The following KCNH5 variants were observed in gnomAD, a reference collection of about 807,000 sequenced individuals.
KCNH5 encodes the protein voltage-gated delayed rectifier potassium channel KCNH5.
In KCNH5, 46 loss-of-function variants were observed where a neutral mutation model predicts 96.1. The observed-to-expected ratio is 0.48, with a 90% confidence interval of 0.38 to 0.61. The LOEUF (loss-of-function observed/expected upper bound fraction) is 0.61. Among genes scored for constraint, KCNH5 ranks in the 20% least tolerant of loss-of-function variants. The pLI, the probability that KCNH5 is intolerant of heterozygous loss-of-function variation, is 0.00. For missense variants in KCNH5, 907 were observed against 1,225.8 expected (o/e 0.74, Z 3.88); for synonymous variants, 439 against 449.8 (o/e 0.98, Z 0.30).
intron 5 of KCNH5, among the ~76,000 whole-genome samples, chr14:62,986,582 T>G (rs1395425984): frequency 6.6e-6 from 1 of 152,118 alleles, no homozygotes; most frequent in Non-Finnish European, 1.5e-5. Context: ...ATCATCTCAC[T>G]CACACAGCCT....
intron 7 of KCNH5, among the ~76,000 whole-genome samples, chr14:62,916,411 A>G (rs1889275881): frequency 6.6e-6 from 1 of 152,256 alleles, no homozygotes; most frequent in South Asian, 2.1e-4. Flanking sequence ...TGTGTTCTTT[A>G]TAACAATGTC....
intron 7 of KCNH5, among the ~76,000 whole-genome samples, chr14:62,883,213 G>A (rs1284532364): frequency 2.0e-5 from 3 of 151,974 alleles, no homozygotes; most frequent in East Asian, 1.9e-4. Flanking sequence ...TGATCCAATC[G>A]GGACAACTTT....
intron 4 of KCNH5, among the ~76,000 whole-genome samples, chr14:62,996,094 C>G (rs1890901779): frequency 6.6e-6 from 1 of 152,116 alleles, no homozygotes; most frequent in Admixed American, 6.6e-5. Flanking sequence ...CATTATTTCC[C>G]AAAAGTTCCA....
intron 7 of KCNH5, among the ~76,000 whole-genome samples, chr14:62,889,596 C>G (rs1023880767): frequency 6.6e-6 from 1 of 152,194 alleles, no homozygotes; most frequent in Non-Finnish European, 1.5e-5. Context: ...TCCCATTCCT[C>G]TGCCTCTCCG....
rs1416586742 is a variant in KCNH5 at position 62,707,975 on chromosome 14, C to A, written c.2500G>T (p.Ala834Ser). Residue 834 changes from alanine to serine, a missense_variant, in exon 11 of 11, where the codon GCT (alanine) becomes TCT (serine). Around this residue, in one of 6 missense-constraint regions of KCNH5, gnomAD observed 362 missense variants for 394.4 expected, o/e 0.92. Coordinates refer to ENST00000322893, the MANE Select transcript of KCNH5 (RefSeq NM_139318.5). ...TCAGACAATAGCCCCATTGACTCAGCTTTAGTGACATTATTCCAGTCTTCC... is the reference window on the plus strand; with the variant it reads ...TCAGACAATAGCCCCATTGACTCAGATTTAGTGACATTATTCCAGTCTTCC... Reference protein sequence around the residue: ...KKEDWNNVTKAESMGLLSEDP... With the variant: ...KKEDWNNVTKSESMGLLSEDP... 1 of 1,614,204 alleles carries A rather than the reference C, an allele frequency of 6.2e-7. No individual in the cohort carries two copies. Among genetic ancestry groups the A allele is most frequent in the Non-Finnish European group, 8.5e-7 (1 of 1,180,032 alleles).
rs80176497 is a variant in KCNH5, at chr14:63,029,470, A to G, written c.74-12516T>C. 2.9e-3 allele frequency among the ~76,000 whole-genome samples: 436 copies of G among 152,286 alleles called. 2 individuals carry two copies. Among genetic ancestry groups the G allele is most frequent in the African/African-American group, 0.01 (416 of 41,560 alleles). On this transcript the variant is annotated intron_variant, in intron 1 of 10. Transcript: ENST00000322893. The stretch of plus-strand genomic sequence containing the variant: ...CATTTATAAGCTATTACTATTATGT[A>G]CAAGATTAAGTTACTGAGTTGTATA...
At chr14:62,958,573 T>A (rs1890149697) in intron 6 of KCNH5, among the ~76,000 whole-genome samples, 1 of 152,212 alleles carries the variant, frequency 6.6e-6, no homozygotes, top group Non-Finnish European at 1.5e-5. Context: ...AAGTAGTTTA[T>A]CCTTACTGAA....
At position 62,757,192 on chromosome 14, in the gene KCNH5, A is replaced by AAG. The variant is rs1428105091; in HGVS notation, c.2019+22535_2019+22536insCT. On this transcript the variant is annotated intron_variant, in intron 10 of 10. Transcript: ENST00000322893. ...ACAAATGGCAAATAGGTGTATTAAAAGCTGATCAACCAGAGAAATGCAATG... is the reference window on the plus strand; with the variant it reads ...ACAAATGGCAAATAGGTGTATTAAAAAGGCTGATCAACCAGAGAAATGCAATG... Among the ~76,000 whole-genome samples, 3 of 152,332 alleles carry AAG rather than the reference A, an allele frequency of 2.0e-5. No individual in the cohort carries two copies. In the East Asian group the frequency reaches 5.8e-4, roughly 29 times the overall value.
intron 6 of KCNH5, among the ~76,000 whole-genome samples, chr14:62,969,874 C>A (rs564923020): frequency 4.9e-5 from 7 of 143,054 alleles, no homozygotes; most frequent in Non-Finnish European, 9.0e-5. Context: ...CCACCCTGGG[C>A]AACGCGGTGA....
chr14:63,042,388 T>C (rs923910632), intron 1 of KCNH5, among the ~76,000 whole-genome samples: 24 of 152,142 alleles, frequency 1.6e-4, no homozygotes, highest in Non-Finnish European at 3.2e-4. Flanking sequence ...TGGGTATCTC[T>C]CTATATCTAT....
At chr14:62,947,606 G>T (rs1356263436) in intron 7 of KCNH5, among the ~76,000 whole-genome samples, 2 of 152,074 alleles carry the variant, frequency 1.3e-5, no homozygotes, top group Admixed American at 1.3e-4. Flanking sequence ...TTAGACTCAA[G>T]ATATTAACCT....
chr14:62,798,128 T>C (rs1886577744), intron 9 of KCNH5, among the ~76,000 whole-genome samples: 1 of 152,206 alleles, frequency 6.6e-6, no homozygotes, highest in Non-Finnish European at 1.5e-5. Flanking sequence ...GCCTCGTTTA[T>C]GCTTTTTCCC....
At position 62,944,214 on chromosome 14, in the gene KCNH5, T is replaced by C. The variant is rs192294571; in HGVS notation, c.1369+5919A>G. Among the ~76,000 whole-genome samples the C allele has an allele frequency of 2.5e-3, 386 of 152,282 alleles. 2 individuals are homozygous for C. Among genetic ancestry groups the C allele is most frequent in the African/African-American group, 8.1e-3 (335 of 41,568 alleles). ...CCTAGGAATCGGGATTGTTGCCACA[T>C]TCATACTTCTAAATTTTTCTGAAAG... On this transcript the variant is annotated intron_variant, in intron 7 of 10. Coordinates refer to ENST00000322893, the MANE Select transcript of KCNH5 (RefSeq NM_139318.5).
At position 62,937,647 on chromosome 14, in the gene KCNH5, T is replaced by C. The variant is rs182148416; in HGVS notation, c.1369+12486A>G. 2.3e-3 allele frequency among the ~76,000 whole-genome samples: 346 copies of C among 152,326 alleles called. 2 individuals carry two copies. Among genetic ancestry groups the C allele is most frequent in the African/African-American group, 7.9e-3 (330 of 41,574 alleles). ...AGAACGTGTGCAAATTGTACAGGAATTGTTGCTCAGCAAAATGTTACAGGA... is the reference window on the plus strand; with the variant it reads ...AGAACGTGTGCAAATTGTACAGGAACTGTTGCTCAGCAAAATGTTACAGGA... On this transcript the variant is annotated intron_variant, in intron 7 of 10. Coordinates refer to ENST00000322893, the MANE Select transcript of KCNH5 (RefSeq NM_139318.5).
At chr14:62,856,746 T>A (rs1458941090) in intron 7 of KCNH5, among the ~76,000 whole-genome samples, 1 of 151,964 alleles carries the variant, frequency 6.6e-6, no homozygotes, top group Non-Finnish European at 1.5e-5. Context: ...GTAGGCACCC[T>A]CTATGCATCT....
chr14:62,919,785 G>T (rs933869135), intron 7 of KCNH5, among the ~76,000 whole-genome samples: 1 of 152,022 alleles, frequency 6.6e-6, no homozygotes, highest in Non-Finnish European at 1.5e-5. Flanking sequence ...GTCACCTAAG[G>T]ACACTGTGAG....
At chr14:62,966,375 G>C (rs1343383390) in intron 6 of KCNH5, among the ~76,000 whole-genome samples, 3 of 152,170 alleles carry the variant, frequency 2.0e-5, no homozygotes, top group African/African-American at 7.2e-5. Context: ...ATAGTAGTTT[G>C]TGTAGCAGTC....
intron 8 of KCNH5, among the ~76,000 whole-genome samples, chr14:62,831,076 C>T (rs72728767): frequency 5.3e-5 from 8 of 152,218 alleles, no homozygotes; most frequent in Non-Finnish European, 1.0e-4. Flanking sequence ...CTTGATCCAC[C>T]GGCCTCAGTC....
In KCNH5 at chr14:62,849,738, T is replaced by C; in HGVS notation, c.1484A>G (p.Tyr495Cys). Residue 495 changes from tyrosine (Y) to cysteine (C), a missense_variant, in exon 8 of 11, where the codon TAT (tyrosine) becomes TGT (cysteine). Physicochemically the swap from Tyr to Cys is radical, Grantham distance 194. Transcript: ENST00000322893. The stretch of plus-strand genomic sequence containing the variant: ...CTCACTAAGGCCTTTTGGGACCTGA[T>C]AGAGTTTTAGGAAGTCCCGTACATT... ...LNNVRDFLKL[Y>C]QVPKGLSERV... 6.2e-6 allele frequency: 10 copies of C among 1,613,922 alleles called. No individual in the cohort carries two copies. The highest frequency in any genetic ancestry group is 2.2e-5 in the East Asian group (1 of 44,842).
Sources: allele counts gnomAD v4.1 joint callset (sites outside exome capture counted in the v4.1 genomes callset), GRCh38; gene constraint gnomAD v4.1.1; regional missense constraint gnomAD v4.1.1; transcripts MANE v1.5; gene names NCBI Gene and HGNC (gene_info 2026-07-23, HGNC 2026-07-21).